The following YME1L1 variants were observed in gnomAD, a reference collection of about 807,000 sequenced individuals.
The protein encoded by YME1L1 is YME1 like 1 ATPase.
A neutral mutation model predicts 90.4 loss-of-function variants in YME1L1; 39 were observed. The ratio of observed to expected loss-of-function variants is 0.43; its 90% confidence interval spans 0.33 to 0.56. The LOEUF (loss-of-function observed/expected upper bound fraction) is 0.56. Among genes scored for constraint, YME1L1 ranks in the 20% least tolerant of loss-of-function variants. YME1L1 has a pLI of 0.03. For synonymous variants in YME1L1, 284 were observed against 287.3 expected (o/e 0.99, Z 0.12); for missense variants, 617 against 868.4 (o/e 0.71, Z 3.64).
intron 1 of YME1L1, among the ~76,000 whole-genome samples, chr10:27,149,948 C>T (rs1200444019): frequency 7.3e-5 from 11 of 151,520 alleles, no homozygotes; most frequent in Admixed American, 4.6e-4. Flanking sequence ...TGGTGTTGGG[C>T]GCCTGTAATC....
intron 2 of YME1L1, chr10:27,147,627 T>C (rs2057159585): frequency 2.6e-6 from 4 of 1,554,272 alleles, no homozygotes; most frequent in South Asian, 2.4e-5. Flanking sequence ...CTTTGCCAAT[T>C]GAAACAATGT....
chr10:27,152,976 C>T (rs1430867094), intron 1 of YME1L1, among the ~76,000 whole-genome samples: 2 of 152,140 alleles, frequency 1.3e-5, no homozygotes, highest in Non-Finnish European at 2.9e-5. Flanking sequence ...ATAATATATC[C>T]TTTACTCCCT....
intron 9 of YME1L1, among the ~76,000 whole-genome samples, chr10:27,125,797 A>G (rs572320106): frequency 6.6e-6 from 1 of 151,788 alleles, no homozygotes; most frequent in Non-Finnish European, 1.5e-5. Flanking sequence ...CCTGCCACCA[A>G]GCCCAGCTAA....
Position 27,117,806 on chromosome 10 carries a change from CA to C in YME1L1, c.1568-80del. 2.1e-6 allele frequency: 3 copies of C among 1,426,706 alleles called. No homozygotes were observed. In the Admixed American group the frequency reaches 5.3e-5, roughly 25 times the overall value. The allele number at this position is 1,426,706 out of a possible 1,614,324, so 88.4% of individuals were successfully genotyped here. The stretch of plus-strand genomic sequence containing the variant: ...ACAAAACACATTCTTGTCTGCAAAT[CA>C]AATACACTCCACCCTTCCTATCAGC... On this transcript the variant is annotated intron_variant, in intron 14 of 18. Coordinates refer to ENST00000376016, the MANE Select transcript of YME1L1 (RefSeq NM_014263.4).
intron 17 of YME1L1, among the ~76,000 whole-genome samples, chr10:27,115,313 C>T (rs552685016): frequency 1.3e-5 from 2 of 149,318 alleles, no homozygotes; most frequent in Admixed American, 6.7e-5. Flanking sequence ...CAAGACAGAA[C>T]ATTTAAAATC....
At chr10:27,137,566 T>C (rs1278833525) in intron 4 of YME1L1, among the ~76,000 whole-genome samples, 1 of 152,168 alleles carries the variant, frequency 6.6e-6, no homozygotes, top group East Asian at 1.9e-4. Context: ...TGCCCACCAA[T>C]GCTTATGAGT....
rs2056759611 is a variant in YME1L1, at chr10:27,111,629, T to C, written c.*348A>G. On this transcript the variant is annotated 3_prime_UTR_variant, in exon 19 of 19. Coordinates refer to ENST00000376016, the MANE Select transcript of YME1L1 (RefSeq NM_014263.4). ...CATCTTAAGTTTCCACTGATGTATA[T>C]AGAAGGCTAAAGGCACAATTTTTAT... 1 of 359,066 alleles carries C rather than the reference T, an allele frequency of 2.8e-6. No individual in the cohort carries two copies. Among genetic ancestry groups the C allele is most frequent in the Non-Finnish European group, 5.3e-6 (1 of 186,948 alleles). The allele number at this position is 359,066 out of a possible 1,614,324, so 22.2% of individuals were successfully genotyped here.
rs1247342040 is a variant in YME1L1, at chr10:27,126,772, T to C, written c.873A>G (p.Lys291=). The C allele has an allele frequency of 3.1e-6, 5 of 1,587,320 alleles. No individual in the cohort carries two copies. The highest frequency in any genetic ancestry group is 4.3e-6 in the Non-Finnish European group (5 of 1,168,760). The change falls in exon 9 of 19, where the codon AAA becomes AAG. Residue 291 remains lysine, a synonymous_variant. Transcript: ENST00000376016. ...FEHVKGVEEA[K]QELQEVVEFL... ...ATTCAACAACTTCCTGTAATTCTTG[T>C]TTAGCTTCCTCCACCTAAAGTGACA...
At chr10:27,147,115 G>A in intron 2 of YME1L1, 2 of 435,230 alleles carry the variant, frequency 4.6e-6, no homozygotes, top group Admixed American at 3.8e-5. Flanking sequence ...ATAGGTTATG[G>A]CCAAACTGTG....
intron 17 of YME1L1, among the ~76,000 whole-genome samples, chr10:27,115,290 G>T (rs2056801111): frequency 1.3e-5 from 2 of 150,832 alleles, no homozygotes; most frequent in Admixed American, 6.6e-5. Flanking sequence ...TATCAAAATA[G>T]TAAAAGTATG....
chr10:27,125,497 A>G (rs1217382508), intron 9 of YME1L1, among the ~76,000 whole-genome samples: 1 of 147,722 alleles, frequency 6.8e-6, no homozygotes, highest in Non-Finnish European at 1.5e-5. Flanking sequence ...CCTAAATGTT[A>G]CCTGTGATCC....
Position 27,122,924 on chromosome 10 carries a change from A to G in YME1L1, c.1152T>C (p.Asp384=), listed in dbSNP as rs757748363. ...ATTCAATTCTCTTCCCACCAACAGA[A>G]TCTAATTCATCAATAAATATAACAC... is the stretch of plus-strand genomic sequence containing the variant. ...APCVIFIDEL[D]SVGGKRIESP... is the part of the protein sequence containing the mutation. Residue 384 remains aspartate (D), a synonymous_variant, in exon 11 of 19, where the codon GAT becomes GAC. Coordinates refer to ENST00000376016, the MANE Select transcript of YME1L1 (RefSeq NM_014263.4). 2 of 1,613,482 alleles carry G rather than the reference A, an allele frequency of 1.2e-6. No homozygotes were observed. Among genetic ancestry groups the G allele is most frequent in the Admixed American group, 1.7e-5 (1 of 60,000 alleles).
chr10:27,151,744 G>A (rs1410739361), intron 1 of YME1L1, among the ~76,000 whole-genome samples: 1 of 152,132 alleles, frequency 6.6e-6, no homozygotes, highest in Non-Finnish European at 1.5e-5. Context: ...AGCCGGGCGT[G>A]GTGGCGGGCG....
At chr10:27,129,111 A>AC (rs2056951603) in intron 8 of YME1L1, 1 of 149,750 alleles carries the variant, frequency 6.7e-6, no homozygotes, top group Admixed American at 6.8e-5. Context: ...AAAAAAAAAA[A>AC]AACTCTCATT....
chr10:27,133,424 G>A (rs563959448), intron 7 of YME1L1, among the ~76,000 whole-genome samples: 2 of 152,250 alleles, frequency 1.3e-5, no homozygotes, highest in South Asian at 2.1e-4. Flanking sequence ...GTTAAGATAG[G>A]CTGAAAAATG....
chr10:27,130,261 C>T lies in YME1L1; in HGVS notation c.858+1598G>A, dbSNP rs74128575. Among the ~76,000 whole-genome samples the T allele has an allele frequency of 2.5e-3, 383 of 152,292 alleles. 2 individuals are homozygous for T. Among genetic ancestry groups the T allele is most frequent in the African/African-American group, 8.7e-3 (361 of 41,568 alleles). On this transcript the variant is annotated intron_variant, in intron 8 of 18. Coordinates refer to ENST00000376016, the MANE Select transcript of YME1L1 (RefSeq NM_014263.4). ...TCACCTAACTCACTGGCAGCTCCTT[C>T]TCATCTTGGTTCCTGGCTTCTCTTC...
At position 27,154,158 on chromosome 10, in the gene YME1L1, G is replaced by A; in HGVS notation, c.33+20C>T. 6.3e-7 allele frequency: 1 copy of A among 1,582,368 alleles called. No individual in the cohort carries two copies. Among genetic ancestry groups the A allele is most frequent in the Non-Finnish European group, 8.6e-7 (1 of 1,163,210 alleles). On this transcript the variant is annotated intron_variant, in intron 1 of 18. Coordinates refer to ENST00000376016, the MANE Select transcript of YME1L1 (RefSeq NM_014263.4). ...CGGGCAGGGCGGGAGGAAAAAAAAT[G>A]GGCTGAATGCCTGGCTTACCTGGGG... is the stretch of plus-strand genomic sequence containing the variant.
chr10:27,143,315 G>C (rs1426815275), intron 3 of YME1L1, among the ~76,000 whole-genome samples: 3 of 152,016 alleles, frequency 2.0e-5, no homozygotes, highest in Non-Finnish European at 4.4e-5. Context: ...GTTGTGGTGA[G>C]CTGAGATCGC....
chr10:27,130,606 T>A (rs940536065), intron 8 of YME1L1, among the ~76,000 whole-genome samples: 1 of 152,198 alleles, frequency 6.6e-6, no homozygotes, highest in Non-Finnish European at 1.5e-5. Context: ...ACGCCTGTAA[T>A]CCCAGCACTT....
Sources: gnomAD v4.1 joint callset for allele counts (sites outside exome capture counted in the v4.1 genomes callset) on GRCh38, gnomAD v4.1.1 for gene constraint, MANE v1.5 for transcripts, NCBI Gene and HGNC (gene_info 2026-07-23, HGNC 2026-07-21) for gene names.